TWIST2: variants seen among roughly 807,000 people sequenced by gnomAD.
The protein encoded by TWIST2 is twist family bHLH transcription factor 2, also known as twist-related protein 2.
In TWIST2, 1 loss-of-function variant was observed where a neutral mutation model predicts 11.6. The ratio of observed to expected loss-of-function variants is 0.09; its 90% CI spans 0.03 to 0.41. TWIST2 has a LOEUF of 0.41. Among genes scored for constraint, TWIST2 ranks in the 10% least tolerant of loss-of-function variants. The pLI, the probability that TWIST2 is intolerant of heterozygous loss-of-function variation, is 0.98. For synonymous variants in TWIST2, 87 were observed against 96.6 expected, an observed-to-expected ratio of 0.90 and a Z score of 0.58; for missense variants, 168 against 226.4, an observed-to-expected ratio of 0.74 and a Z score of 1.66.
At chr2:238,880,161 T>G (rs1692883927) in intron 1 of TWIST2, among the ~76,000 whole-genome samples, 1 of 152,168 alleles carries the variant, frequency 6.6e-6, no homozygotes, top group African/African-American at 2.4e-5. Context: ...TAGTATTTAT[T>G]GGTATTGGTG....
At chr2:238,854,759 A>G (rs1368001563) in intron 1 of TWIST2, among the ~76,000 whole-genome samples, 1 of 152,148 alleles carries the variant, frequency 6.6e-6, no homozygotes, top group African/African-American at 2.4e-5. Context: ...GGGCTCCATG[A>G]GGGACAGCTT....
intron 1 of TWIST2, among the ~76,000 whole-genome samples, chr2:238,861,688 C>T (rs1342894220): frequency 6.6e-6 from 1 of 152,198 alleles, no homozygotes; most frequent in East Asian, 1.9e-4. Context: ...CAAAGCCAGG[C>T]TTCCTGGTGA....
intron 1 of TWIST2, among the ~76,000 whole-genome samples, chr2:238,859,243 T>A (rs544708341): frequency 3.3e-5 from 5 of 150,740 alleles, no homozygotes; most frequent in African/African-American, 4.9e-5. Context: ...TAATATGTGC[T>A]ACAGCATCGA....
chr2:238,909,448 G>A (rs1389727161), intron 1 of TWIST2, among the ~76,000 whole-genome samples: 3 of 152,126 alleles, frequency 2.0e-5, no homozygotes, highest in Admixed American at 6.5e-5. Flanking sequence ...GGGCCTGCAC[G>A]GGGCCAACGT....
intron 1 of TWIST2, among the ~76,000 whole-genome samples, chr2:238,853,750 A>G (rs944623700): frequency 2.0e-5 from 3 of 152,224 alleles, no homozygotes; most frequent in Admixed American, 6.5e-5. Context: ...GGAAAAGCCA[A>G]CACATAACTT....
At chr2:238,893,313 AT>A (rs139352194) in intron 1 of TWIST2, among the ~76,000 whole-genome samples, 130,749 of 152,140 alleles carry the variant, frequency 0.86, 56,427 homozygotes, top group East Asian at 0.93. Flanking sequence ...AAAACGGCCT[AT>A]TTTTTTCAAG....
chr2:238,870,872 C>A (rs1359976088), intron 1 of TWIST2, among the ~76,000 whole-genome samples: 1 of 65,118 alleles, frequency 1.5e-5, no homozygotes, highest in Non-Finnish European at 3.1e-5. Context: ...CCCACACACA[C>A]CACACACACA....
intron 1 of TWIST2, among the ~76,000 whole-genome samples, chr2:238,879,142 C>G (rs907585212): frequency 6.6e-6 from 1 of 152,216 alleles, no homozygotes; most frequent in Non-Finnish European, 1.5e-5. Context: ...CTGGCTCTGT[C>G]CCCTCTGAGA....
At position 238,867,350 on chromosome 2, in the gene TWIST2, G is replaced by A. The variant is rs996326956; in HGVS notation, c.*35+18617G>A. ...ATCTGGGATGGAAGATTATTCTGGGGAGTAAAATGTCCTGCCTTCAACACA... is the reference window on the plus strand; with the variant it reads ...ATCTGGGATGGAAGATTATTCTGGGAAGTAAAATGTCCTGCCTTCAACACA... On this transcript the variant is annotated intron_variant, in intron 1 of 1. Coordinates refer to ENST00000612363, the MANE Select transcript of TWIST2 (RefSeq NM_001271893.4). This position sits in a 1 kb window ranked among gnomAD's most constrained non-coding sequence, Gnocchi z 4.8. 2.2e-5 allele frequency among the ~76,000 whole-genome samples: 3 copies of A among 137,776 alleles called. No homozygotes were observed. Among genetic ancestry groups the A allele is most frequent in the Admixed American group, 1.6e-4 (2 of 12,830 alleles). The allele number at this position is 137,776 out of a possible 152,430, so 90.4% of individuals were successfully genotyped here. A position where few individuals can be genotyped will look rare whatever the true frequency, so the allele number is the denominator to read the frequency against.
chr2:238,870,467 C>A (rs1421868300), intron 1 of TWIST2, among the ~76,000 whole-genome samples: 3 of 67,382 alleles, frequency 4.5e-5, no homozygotes, highest in African/African-American at 5.8e-5. Flanking sequence ...ACCACACACC[C>A]GACACACGCC....
intron 1 of TWIST2, among the ~76,000 whole-genome samples, chr2:238,853,011 C>T (rs769487498): frequency 6.6e-5 from 10 of 152,020 alleles, no homozygotes; most frequent in South Asian, 2.1e-4. Flanking sequence ...TTTTTTCTGA[C>T]GCCATTTGAG....
chr2:238,895,376 G>T (rs1693194772), intron 1 of TWIST2, among the ~76,000 whole-genome samples: 1 of 152,218 alleles, frequency 6.6e-6, no homozygotes, highest in Non-Finnish European at 1.5e-5. Flanking sequence ...TGGCCAGGTG[G>T]CCCCCAGAAG....
At chr2:238,856,416 A>G (rs1202646323) in intron 1 of TWIST2, among the ~76,000 whole-genome samples, 1 of 152,188 alleles carries the variant, frequency 6.6e-6, no homozygotes, top group Non-Finnish European at 1.5e-5. Flanking sequence ...TTGTTTTACT[A>G]CAGTTCACAA....
chr2:238,910,401 A>T lies in TWIST2; in HGVS notation c.*595A>T, dbSNP rs11165. 0.65 allele frequency: 97,335 copies of T among 150,820 alleles called. 32,018 individuals carry two copies. The highest frequency in any genetic ancestry group is 0.8 in the African/African-American group (32,661 of 41,066). 9.3% of individuals were successfully genotyped at this position (150,820 alleles called of 1,614,324 possible). A position where few individuals can be genotyped will look rare whatever the true frequency, so the allele number is the denominator to read the frequency against. On this transcript the variant is annotated 3_prime_UTR_variant, in exon 2 of 2. Coordinates refer to ENST00000612363, the MANE Select transcript of TWIST2 (RefSeq NM_001271893.4). ...TCCGTGATTGCTTGGCTAGCCATTT[A>T]AAAAAAAATATTCTCTGTTCAGTGT...
intron 1 of TWIST2, among the ~76,000 whole-genome samples, chr2:238,904,400 G>C (rs1693317076): frequency 6.6e-6 from 1 of 150,430 alleles, no homozygotes; most frequent in African/African-American, 2.5e-5. Context: ...TGTAAGGTGT[G>C]TGTCTAATGT....
At chr2:238,903,116 G>A (rs973891785) in intron 1 of TWIST2, among the ~76,000 whole-genome samples, 6 of 149,054 alleles carry the variant, frequency 4.0e-5, no homozygotes, top group Non-Finnish European at 5.9e-5. Context: ...GTGATGTGAG[G>A]TGTGTGTGAT....
chr2:238,862,773 A>G (rs1367906674), intron 1 of TWIST2, among the ~76,000 whole-genome samples: 1 of 152,260 alleles, frequency 6.6e-6, no homozygotes, highest in East Asian at 1.9e-4. Flanking sequence ...AATATTGGCG[A>G]CAAAATTAAA....
chr2:238,881,972 A>G (rs1025364725), intron 1 of TWIST2, among the ~76,000 whole-genome samples: 4 of 150,672 alleles, frequency 2.7e-5, no homozygotes, highest in African/African-American at 9.8e-5. Flanking sequence ...CTCTCTCTCC[A>G]TCTGTCTCTC....
intron 1 of TWIST2, among the ~76,000 whole-genome samples, chr2:238,852,868 A>T (rs1376225194): frequency 6.6e-6 from 1 of 152,266 alleles, no homozygotes; most frequent in African/African-American, 2.4e-5. Context: ...TTATCTCAAA[A>T]TTAAAATAAA....
Sources: gnomAD v4.1 joint callset for allele counts (sites outside exome capture counted in the v4.1 genomes callset) on GRCh38, gnomAD v4.1.1 for gene constraint, Gnocchi (gnomAD v3.1) non-coding constraint, MANE v1.5 for transcripts, NCBI Gene and HGNC (gene_info 2026-07-23, HGNC 2026-07-21) for gene names.